COMMD7: variants seen among roughly 807,000 people sequenced by gnomAD.
COMMD7 encodes the protein COMM domain containing 7, also known as COMM domain-containing protein 7.
COMMD7 carries 28 observed loss-of-function variants against 34.8 expected under a neutral mutation model. That is an observed-to-expected ratio of 0.80 (90% CI 0.60 to 1.10). The LOEUF (loss-of-function observed/expected upper bound fraction) is 1.10, where lower values mean the gene tolerates loss of function less well. Ranked by LOEUF, COMMD7 falls within the 50% of genes least tolerant of loss-of-function variation. The pLI, the probability that COMMD7 is intolerant of heterozygous loss-of-function variation, is 0.00. For synonymous variants in COMMD7, 80 were observed against 86.4 expected (o/e 0.93, Z 0.41); for missense variants, 211 against 241.6 (o/e 0.87, Z 0.84).
intron 3 of COMMD7, among the ~76,000 whole-genome samples, chr20:32,708,655 A>AATT (rs1984239121): frequency 1.4e-5 from 1 of 70,476 alleles, no homozygotes; most frequent in Non-Finnish European, 3.3e-5. Flanking sequence ...TATTATTGTA[A>AATT]CTTTTTTTTT....
At chr20:32,735,263 C>T (rs1986075212) in intron 1 of COMMD7, among the ~76,000 whole-genome samples, 1 of 151,370 alleles carries the variant, frequency 6.6e-6, no homozygotes, top group African/African-American at 2.4e-5. Flanking sequence ...AAAGGATACT[C>T]ATATATATGC....
intron 1 of COMMD7, among the ~76,000 whole-genome samples, chr20:32,734,032 T>C (rs1474022561): frequency 6.7e-6 from 1 of 150,368 alleles, no homozygotes; most frequent in Non-Finnish European, 1.5e-5. Flanking sequence ...AATAAAAAAA[T>C]TAGCCAAGCG....
At chr20:32,731,432 GCT>G (rs1396368333) in intron 1 of COMMD7, among the ~76,000 whole-genome samples, 1 of 152,152 alleles carries the variant, frequency 6.6e-6, no homozygotes, top group Non-Finnish European at 1.5e-5. Flanking sequence ...GGAGCTTGAG[GCT>G]GCAGCAAACT....
At chr20:32,705,147 A>G (rs1212472321) in intron 5 of COMMD7, among the ~76,000 whole-genome samples, 1 of 151,398 alleles carries the variant, frequency 6.6e-6, no homozygotes, top group Non-Finnish European at 1.5e-5. Context: ...TCCATCTTGG[A>G]AAAAAAACAG....
chr20:32,726,242 T>G (rs971614907), intron 3 of COMMD7, among the ~76,000 whole-genome samples: 2 of 151,080 alleles, frequency 1.3e-5, no homozygotes, highest in Non-Finnish European at 2.9e-5. Context: ...AATTCAAAAA[T>G]TAGCTGGGCA....
Position 32,726,061 on chromosome 20 carries a change from T to TC in COMMD7, c.241+1831dup, listed in dbSNP as rs1230170184. 5.8e-5 allele frequency among the ~76,000 whole-genome samples: 3 copies of TC among 51,478 alleles called. No homozygotes were observed. The South Asian group carries it at 2.0e-3, about 34-fold the overall frequency. The allele number at this position is 51,478 out of a possible 152,430, so 33.8% of individuals were successfully genotyped here. A position where few individuals can be genotyped will look rare whatever the true frequency, so the allele number is the denominator to read the frequency against. On this transcript the variant is annotated intron_variant, in intron 3 of 8. Coordinates refer to ENST00000278980, the MANE Select transcript of COMMD7 (RefSeq NM_053041.3). Reference sequence around the variant, plus strand: ...GTGGGCAACAGAGCAAAAGCCTGTCTCAAAAAAAAAAAAAAAAAAAAAAAG... The same window carrying TC: ...GTGGGCAACAGAGCAAAAGCCTGTCTCCAAAAAAAAAAAAAAAAAAAAAAAG...
intron 1 of COMMD7, among the ~76,000 whole-genome samples, chr20:32,730,549 C>T (rs961698576): frequency 4.6e-5 from 6 of 129,812 alleles, no homozygotes; most frequent in African/African-American, 1.7e-4. Context: ...AGCGAGACTC[C>T]GTTTCAAAAA....
chr20:32,712,303 T>C, intron 3 of COMMD7, among the ~76,000 whole-genome samples: 1 of 125,370 alleles, frequency 8.0e-6, no homozygotes. Flanking sequence ...AAGAGAGAGA[T>C]CGAGACCATC....
intron 7 of COMMD7, 62 bp downstream of exon 7, chr20:32,704,378 T>A: frequency 9.4e-7 from 1 of 1,060,278 alleles, no homozygotes; most frequent in Non-Finnish European, 1.4e-6. Context: ...TAACCCAATG[T>A]AGATATAATT....
chr20:32,728,850 G>A (rs1336292328), intron 1 of COMMD7, among the ~76,000 whole-genome samples: 1 of 152,012 alleles, frequency 6.6e-6, no homozygotes, highest in Non-Finnish European at 1.5e-5. Context: ...ATAGGCATAA[G>A]CCATGCACCT....
chr20:32,743,238 C>A, intron 1 of COMMD7, 70 bp downstream of exon 1: 2 of 446,628 alleles, frequency 4.5e-6, no homozygotes, highest in Non-Finnish European at 4.1e-6. Context: ...CCCCGGACGT[C>A]CCCCCCACCC....
At chr20:32,720,297 C>A (rs1265492806) in intron 3 of COMMD7, among the ~76,000 whole-genome samples, 2 of 152,172 alleles carry the variant, frequency 1.3e-5, no homozygotes, top group Non-Finnish European at 2.9e-5. Context: ...GAGTTCGAGA[C>A]CAGCCTGGCC....
intron 1 of COMMD7, among the ~76,000 whole-genome samples, chr20:32,736,095 G>A (rs974799737): frequency 2.6e-5 from 4 of 152,108 alleles, no homozygotes. Context: ...CAGGACAAAA[G>A]GCCTTGACCA....
intron 3 of COMMD7, among the ~76,000 whole-genome samples, chr20:32,714,334 A>AAAAAT (rs1025277829): frequency 6.6e-6 from 1 of 152,180 alleles, no homozygotes; most frequent in East Asian, 1.9e-4. Flanking sequence ...CTTTTCATAA[A>AAAAAT]AAAATAAAAT....
At chr20:32,708,415 C>T (rs1984226308) in intron 3 of COMMD7, among the ~76,000 whole-genome samples, 2 of 152,040 alleles carry the variant, frequency 1.3e-5, no homozygotes, top group African/African-American at 4.8e-5. Context: ...GTAAAATCAA[C>T]CATATAAACA....
At chr20:32,713,552 C>G (rs1319666010) in intron 3 of COMMD7, among the ~76,000 whole-genome samples, 1 of 152,208 alleles carries the variant, frequency 6.6e-6, no homozygotes, top group Non-Finnish European at 1.5e-5. Flanking sequence ...CTCCTGGAAG[C>G]AGATGGGAGA....
intron 8 of COMMD7, 188 bp from the exon 9 acceptor site, chr20:32,703,646 G>GAA: frequency 7.0e-7 from 1 of 1,427,568 alleles, no homozygotes; most frequent in African/African-American, 1.4e-5. Context: ...TGCTCCAAAG[G>GAA]AAAAAAAAGG....
chr20:32,725,209 T>G (rs529600946), intron 3 of COMMD7, among the ~76,000 whole-genome samples: 1 of 152,076 alleles, frequency 6.6e-6, no homozygotes, highest in South Asian at 2.1e-4. Context: ...AAGAGCTCCA[T>G]GATATACCAG....
chr20:32,717,142 C>G (rs1006147843), intron 3 of COMMD7, among the ~76,000 whole-genome samples: 1 of 149,574 alleles, frequency 6.7e-6, no homozygotes, highest in African/African-American at 2.5e-5. Context: ...GGGTTAATAA[C>G]TTTTGAAGGA....
Sources: gnomAD v4.1 joint callset for allele counts (sites outside exome capture counted in the v4.1 genomes callset) on GRCh38, gnomAD v4.1.1 for gene constraint, MANE v1.5 for transcripts, NCBI Gene and HGNC (gene_info 2026-07-23, HGNC 2026-07-21) for gene names.